KIAA1217: variants seen among roughly 807,000 people sequenced by gnomAD.
The protein encoded by KIAA1217 is sickle tail protein homolog.
Under a neutral mutation model 163.9 loss-of-function variants are expected in KIAA1217, and 88 were observed. The ratio of observed to expected loss-of-function variants is 0.54; its 90% CI spans 0.45 to 0.64. The LOEUF (loss-of-function observed/expected upper bound fraction) is 0.64. Among genes scored for constraint, KIAA1217 ranks in the 30% least tolerant of loss-of-function variants. KIAA1217 has a pLI of 0.00. For synonymous variants in KIAA1217, 903 were observed against 923.1 expected, an observed-to-expected ratio of 0.98 and a Z score of 0.39; for missense variants, 2,372 against 2,475.0, an observed-to-expected ratio of 0.96 and a Z score of 0.88.
chr10:24,236,604 G>A (rs768407526), intron 2 of KIAA1217, among the ~76,000 whole-genome samples: 3 of 151,524 alleles, frequency 2.0e-5, no homozygotes, highest in Non-Finnish European at 4.4e-5. Context: ...TCTTTCCCCA[G>A]CTGTTTGTGT....
At chr10:23,741,087 G>A (rs765943488) in intron 1 of KIAA1217, among the ~76,000 whole-genome samples, 15 of 152,140 alleles carry the variant, frequency 9.9e-5, no homozygotes, top group African/African-American at 1.4e-4. Flanking sequence ...ACACATAGCC[G>A]CAATCTGTGT....
intron 6 of KIAA1217, among the ~76,000 whole-genome samples, chr10:24,492,523 G>T (rs1416555001): frequency 6.6e-6 from 1 of 152,060 alleles, no homozygotes; most frequent in Non-Finnish European, 1.5e-5. Context: ...AAATTGCTTG[G>T]TGTTTTTTTT....
At chr10:23,807,985 A>G (rs1389320531) in intron 1 of KIAA1217, among the ~76,000 whole-genome samples, 1 of 152,240 alleles carries the variant, frequency 6.6e-6, no homozygotes, top group Non-Finnish European at 1.5e-5. Flanking sequence ...CAGCAACTGC[A>G]CACTGGCTCA....
intron 1 of KIAA1217, among the ~76,000 whole-genome samples, chr10:23,947,423 C>A (rs547156820): frequency 2.0e-5 from 3 of 152,294 alleles, no homozygotes; most frequent in African/African-American, 7.2e-5. Flanking sequence ...TTGGAGTAAT[C>A]ACGTTATGTG....
intron 2 of KIAA1217, among the ~76,000 whole-genome samples, chr10:24,288,518 T>C (rs220354): frequency 0.92 from 140,840 of 152,292 alleles, 65,374 homozygotes; most frequent in African/African-American, 0.97. Flanking sequence ...CATTAACCTG[T>C]CCTCAAGCCT....
At chr10:24,512,154 A>G (rs2069277529) in intron 9 of KIAA1217, among the ~76,000 whole-genome samples, 1 of 152,212 alleles carries the variant, frequency 6.6e-6, no homozygotes, top group Admixed American at 6.5e-5. Context: ...CAGAGAAAAC[A>G]GAAGGCATGA....
At chr10:24,472,745 ATCAT>A (rs1391130055) in intron 5 of KIAA1217, among the ~76,000 whole-genome samples, 2 of 152,338 alleles carry the variant, frequency 1.3e-5, no homozygotes, top group Admixed American at 1.3e-4. Context: ...CCATAGGTGT[ATCAT>A]TTTACTTTTA....
chr10:24,092,710 T>G (rs1400123180), intron 2 of KIAA1217, among the ~76,000 whole-genome samples: 1 of 151,112 alleles, frequency 6.6e-6, no homozygotes, highest in Non-Finnish European at 1.5e-5. Flanking sequence ...AACAAAAACC[T>G]AGGAATGGGA....
chr10:24,446,370 T>C (rs2060933749), intron 5 of KIAA1217, among the ~76,000 whole-genome samples: 1 of 152,048 alleles, frequency 6.6e-6, no homozygotes, highest in Admixed American at 6.6e-5. Flanking sequence ...ATTCTCTTCT[T>C]TTCTGAGCAC....
At chr10:24,355,830 C>T (rs71493381) in intron 2 of KIAA1217, among the ~76,000 whole-genome samples, 1 of 142,416 alleles carries the variant, frequency 7.0e-6, no homozygotes. Flanking sequence ...CTCACTGCAA[C>T]CTCCACCTCC....
chr10:24,116,473 C>T lies in KIAA1217; in HGVS notation c.-170-103153C>T, dbSNP rs532245018. On this transcript the variant is annotated intron_variant, in intron 2 of 18. Coordinates refer to the KIAA1217 transcript ENST00000376462. The stretch of plus-strand genomic sequence containing the variant: ...GTAGACAATATGGCAACAGAGACTG[C>T]ATGGCCTGCAAAGCCTAAAATATTT... Among the ~76,000 whole-genome samples, 16 of 152,230 alleles carry T rather than the reference C, an allele frequency of 1.1e-4. No homozygotes were observed. The South Asian group carries it at 3.3e-3, about 32-fold the overall frequency.
At chr10:24,135,247 C>A (rs534253765) in intron 2 of KIAA1217, among the ~76,000 whole-genome samples, 1 of 152,322 alleles carries the variant, frequency 6.6e-6, no homozygotes, top group South Asian at 2.1e-4. Flanking sequence ...TGGTCCCCGT[C>A]TCAGCAAGGG....
At chr10:24,338,791 C>CTAG (rs1325980935) in intron 2 of KIAA1217, among the ~76,000 whole-genome samples, 1 of 151,796 alleles carries the variant, frequency 6.6e-6, no homozygotes, top group East Asian at 1.9e-4. Flanking sequence ...GCTAGGAAAT[C>CTAG]TAGACAGAAT....
chr10:23,761,627 T>A (rs1834263232), intron 1 of KIAA1217, among the ~76,000 whole-genome samples: 1 of 152,220 alleles, frequency 6.6e-6, no homozygotes, highest in Admixed American at 6.5e-5. Context: ...GGCTGTTTGT[T>A]ATGATTTCAC....
At chr10:23,981,340 CA>C (rs1186410991) in intron 1 of KIAA1217, among the ~76,000 whole-genome samples, 4 of 152,102 alleles carry the variant, frequency 2.6e-5, no homozygotes, top group Non-Finnish European at 5.9e-5. Flanking sequence ...CTCTGAGTTA[CA>C]ACCACAATTT....
intron 1 of KIAA1217, among the ~76,000 whole-genome samples, chr10:23,856,912 T>C (rs1477664045): frequency 6.6e-6 from 1 of 152,228 alleles, no homozygotes; most frequent in Non-Finnish European, 1.5e-5. Context: ...GTGCTGTCTG[T>C]CACCCCTTTC....
intron 1 of KIAA1217, among the ~76,000 whole-genome samples, chr10:23,804,934 A>G (rs1836663805): frequency 6.6e-6 from 1 of 152,202 alleles, no homozygotes; most frequent in African/African-American, 2.4e-5. Flanking sequence ...GAGAAATGCA[A>G]ATCAAAACCA....
rs1290926673 is a variant in KIAA1217 at position 23,695,948 on chromosome 10, G to A, written c.-321+714G>A. Among the ~76,000 whole-genome samples, 1 of 152,218 alleles carries A rather than the reference G, an allele frequency of 6.6e-6. No homozygotes were observed. The highest frequency in any genetic ancestry group is 1.5e-5 in the Non-Finnish European group (1 of 68,036). ...CGGGAGCAGGGTGACCCCCACAGCG[G>A]CCGGCCTTCCGGCTGGCTGCCCTCC... On this transcript the variant is annotated intron_variant, in intron 1 of 18. Transcript: ENST00000376462. The surrounding 1 kb of genome is among the most constrained non-coding windows in gnomAD (Gnocchi z 4.9).
chr10:24,236,161 A>T (rs1020254017), intron 2 of KIAA1217, among the ~76,000 whole-genome samples: 5 of 91,180 alleles, frequency 5.5e-5, no homozygotes, highest in African/African-American at 1.9e-4. Context: ...TTTGAATGAT[A>T]AAAAAATTGA....
Sources: allele counts gnomAD v4.1 joint callset (sites outside exome capture counted in the v4.1 genomes callset), GRCh38; gene constraint gnomAD v4.1.1; non-coding constraint Gnocchi (gnomAD v3.1); transcripts MANE v1.5; gene names NCBI Gene and HGNC (gene_info 2026-07-23, HGNC 2026-07-21).